The following RANBP2 variants were observed in gnomAD, a reference collection of about 807,000 sequenced individuals.
RANBP2 encodes the protein E3 SUMO-protein ligase RanBP2.
A neutral mutation model predicts 303.6 loss-of-function variants in RANBP2; 57 were observed. That is an observed-to-expected ratio of 0.19 (90% CI 0.15 to 0.23). RANBP2 has a LOEUF of 0.23. RANBP2 is among the 10% of genes least tolerant of loss of function. The pLI is 1.00. For synonymous variants in RANBP2, 1,167 were observed against 1,301.5 expected (o/e 0.90, Z 2.23); for missense variants, 3,138 against 3,780.8 (o/e 0.83, Z 4.46).
the RANBP2 span, among the ~76,000 whole-genome samples, chr2:109,712,993 TTC>T: frequency 6.6e-6 from 1 of 152,008 alleles, no homozygotes; most frequent in African/African-American, 2.4e-5. Context: ...AGGAGAAAAC[TTC>T]TGTTTGACGG....
chr2:108,947,579 T>C, the RANBP2 span, among the ~76,000 whole-genome samples: 1 of 152,190 alleles, frequency 6.6e-6, no homozygotes, highest in East Asian at 1.9e-4. Context: ...AATTCTTGTC[T>C]TCTGCACCCC....
the RANBP2 span, among the ~76,000 whole-genome samples, chr2:109,281,557 A>G: frequency 6.6e-6 from 1 of 152,110 alleles, no homozygotes; most frequent in Non-Finnish European, 1.5e-5. Flanking sequence ...AGGGTGATTC[A>G]CTGTGGGAGA....
At chr2:109,216,727 T>A in the RANBP2 span, among the ~76,000 whole-genome samples, 1 of 152,238 alleles carries the variant, frequency 6.6e-6, no homozygotes, top group Non-Finnish European at 1.5e-5. Context: ...TGTCTGATCA[T>A]TTGCTAGGAC....
At chr2:108,935,027 C>T in the RANBP2 span, among the ~76,000 whole-genome samples, 1 of 152,176 alleles carries the variant, frequency 6.6e-6, no homozygotes, top group Admixed American at 6.5e-5. Context: ...TGGAGTCAAG[C>T]GTCACCTGTT....
At chr2:108,910,996 G>A in the RANBP2 span, 40 of 1,614,160 alleles carry the variant, frequency 2.5e-5, no homozygotes, top group East Asian at 8.0e-4. Flanking sequence ...TGATGAGGAC[G>A]ATGGCGATGG....
the RANBP2 span, among the ~76,000 whole-genome samples, chr2:109,623,076 G>A: frequency 1.3e-5 from 2 of 152,196 alleles, no homozygotes; most frequent in Admixed American, 1.3e-4. Context: ...GCACTGAGCT[G>A]AGATTGTGCC....
At chr2:109,483,995 A>G in the RANBP2 span, among the ~76,000 whole-genome samples, 1 of 150,842 alleles carries the variant, frequency 6.6e-6, no homozygotes, top group Non-Finnish European at 1.5e-5. Flanking sequence ...GGATGCTCCC[A>G]GCGTCCACCA....
chr2:108,725,607 A>G (rs1181034602), intron 1 of RANBP2, among the ~76,000 whole-genome samples: 1 of 152,060 alleles, frequency 6.6e-6, no homozygotes, highest in Non-Finnish European at 1.5e-5. Context: ...TAAAAATACA[A>G]AAATTAGCTG....
chr2:109,293,818 C>T, the RANBP2 span, among the ~76,000 whole-genome samples: 3 of 152,202 alleles, frequency 2.0e-5, no homozygotes, highest in Non-Finnish European at 2.9e-5. Context: ...GATCAGGAGT[C>T]GGGAATGCTG....
the RANBP2 span, among the ~76,000 whole-genome samples, chr2:109,208,078 G>A: frequency 6.6e-5 from 10 of 151,574 alleles, no homozygotes; most frequent in African/African-American, 2.2e-4. Flanking sequence ...CGGAATGCCT[G>A]TGCTGGGCAC....
At chr2:109,111,856 C>T in the RANBP2 span, among the ~76,000 whole-genome samples, 2 of 145,144 alleles carry the variant, frequency 1.4e-5, no homozygotes, top group African/African-American at 2.5e-5. Flanking sequence ...TTGTTCAGTT[C>T]CCACCTATGA....
chr2:109,318,865 G>A, the RANBP2 span, among the ~76,000 whole-genome samples: 2 of 152,252 alleles, frequency 1.3e-5, no homozygotes, highest in Non-Finnish European at 2.9e-5. Flanking sequence ...ATGAACTTCT[G>A]GAACCAAAGC....
the RANBP2 span, among the ~76,000 whole-genome samples, chr2:109,524,230 G>C: frequency 2.7e-5 from 4 of 150,644 alleles, no homozygotes; most frequent in East Asian, 8.3e-4. Flanking sequence ...GGCTCTAGCT[G>C]GTAGGGAGGA....
the RANBP2 span, among the ~76,000 whole-genome samples, chr2:109,305,485 G>A: frequency 1.3e-5 from 2 of 152,198 alleles, no homozygotes; most frequent in South Asian, 4.1e-4. Flanking sequence ...GCACCTGCTA[G>A]TTTCCTTCTG....
the RANBP2 span, among the ~76,000 whole-genome samples, chr2:108,994,809 T>A: frequency 9.0e-6 from 1 of 111,116 alleles, no homozygotes; most frequent in Non-Finnish European, 1.7e-5. Flanking sequence ...TATATATATA[T>A]ATATATATAT....
At chr2:109,651,887 T>C in the RANBP2 span, among the ~76,000 whole-genome samples, 1 of 152,154 alleles carries the variant, frequency 6.6e-6, no homozygotes, top group Non-Finnish European at 1.5e-5. Context: ...GCTTGCTTCA[T>C]GGTCTGTGTA....
At chr2:108,738,782 C>G (rs1440367816) in intron 6 of RANBP2, among the ~76,000 whole-genome samples, 4 of 151,594 alleles carry the variant, frequency 2.6e-5, no homozygotes, top group African/African-American at 9.7e-5. Flanking sequence ...GTGCCTACCA[C>G]CACGCCTGGC....
At chr2:109,668,962 T>C in the RANBP2 span, among the ~76,000 whole-genome samples, 1 of 152,138 alleles carries the variant, frequency 6.6e-6, no homozygotes, top group Non-Finnish European at 1.5e-5. Context: ...GACTTCAAAA[T>C]GTACTAGGAA....
the RANBP2 span, among the ~76,000 whole-genome samples, chr2:108,853,934 TTATA>T: frequency 1.6e-5 from 2 of 122,874 alleles, no homozygotes; most frequent in African/African-American, 3.2e-5. Context: ...TATATATAAT[TTATA>T]TATAATATAC....
Sources: allele counts gnomAD v4.1 joint callset (sites outside exome capture counted in the v4.1 genomes callset), GRCh38; gene constraint gnomAD v4.1.1; transcripts MANE v1.5; gene names NCBI Gene and HGNC (gene_info 2026-07-23, HGNC 2026-07-21).